Variants in PCDH15 observed in about 807,000 individuals in gnomAD.
PCDH15 encodes protocadherin related 15, also known as protocadherin-15.
Under a neutral mutation model 178.5 loss-of-function variants are expected in PCDH15, and 129 were observed. That is an observed-to-expected ratio of 0.72 (90% confidence interval 0.63 to 0.84). The LOEUF is 0.84. Among genes scored for constraint, PCDH15 ranks in the 40% least tolerant of loss-of-function variants. PCDH15 has a pLI of 0.00. For missense variants in PCDH15, 2,230 were observed against 2,099.9 expected (o/e 1.06, Z -1.21); for synonymous variants, 800 against 732.0 (o/e 1.09, Z -1.50).
chr10:55,546,548 A>G (rs1841886607), intron 2 of PCDH15, among the ~76,000 whole-genome samples: 1 of 152,164 alleles, frequency 6.6e-6, no homozygotes, highest in Non-Finnish European at 1.5e-5. Flanking sequence ...TTTTGACTAT[A>G]TATGTTATAA....
At chr10:54,007,779 G>T (rs973705576) in intron 20 of PCDH15, among the ~76,000 whole-genome samples, 1 of 152,082 alleles carries the variant, frequency 6.6e-6, no homozygotes, top group Non-Finnish European at 1.5e-5. Flanking sequence ...GTTTACAAAA[G>T]AAATTATGTT....
At chr10:53,848,638 T>C (rs1250190793) in intron 28 of PCDH15, among the ~76,000 whole-genome samples, 1 of 151,932 alleles carries the variant, frequency 6.6e-6, no homozygotes, top group Non-Finnish European at 1.5e-5. Context: ...ACCCCTTACC[T>C]TCAAATCTCA....
At chr10:54,132,532 C>G (rs1202766060) in intron 15 of PCDH15, among the ~76,000 whole-genome samples, 3 of 152,142 alleles carry the variant, frequency 2.0e-5, no homozygotes, top group Non-Finnish European at 2.9e-5. Flanking sequence ...AAAAGGCATA[C>G]AAGACAGAAA....
chr10:53,828,196 A>AAAG (rs2076809798), intron 31 of PCDH15, among the ~76,000 whole-genome samples: 1 of 136,980 alleles, frequency 7.3e-6, no homozygotes, highest in African/African-American at 2.9e-5. Context: ...ACAAGAGCAA[A>AAAG]AAGTCCGTCT....
intron 28 of PCDH15, among the ~76,000 whole-genome samples, chr10:53,855,655 G>C (rs1010566769): frequency 6.6e-6 from 1 of 151,590 alleles, no homozygotes; most frequent in South Asian, 2.1e-4. Context: ...ACTCTTTAAA[G>C]CTTCTTCTGG....
intron 2 of PCDH15, among the ~76,000 whole-genome samples, chr10:55,610,434 G>T (rs1174148368): frequency 1.3e-5 from 2 of 151,972 alleles, no homozygotes; most frequent in African/African-American, 4.8e-5. Flanking sequence ...GCTTTGCTTT[G>T]ACTCATTGGT....
intron 18 of PCDH15, among the ~76,000 whole-genome samples, chr10:54,060,762 A>T (rs2093996960): frequency 6.6e-6 from 1 of 152,140 alleles, no homozygotes; most frequent in South Asian, 2.1e-4. Flanking sequence ...GTCTGGATTC[A>T]TGGAGTCACG....
rs559681811 is a variant in PCDH15, at chr10:55,607,947, G to A, written c.-156+19678C>T. Among the ~76,000 whole-genome samples the A allele has an allele frequency of 5.3e-5, 8 of 151,788 alleles. No individual in the cohort carries two copies. In the East Asian group the frequency reaches 1.4e-3, roughly 26 times the overall value. The stretch of plus-strand genomic sequence containing the variant: ...ACAGAGACAGAGAGAGAGAGAAAGA[G>A]AGAGAGAATATTTAATGTTATTTTA... On this transcript the variant is annotated intron_variant, in intron 2 of 5. Transcript: ENST00000613346.
intron 2 of PCDH15, among the ~76,000 whole-genome samples, chr10:54,577,320 C>G (rs1357055277): frequency 6.6e-6 from 1 of 151,364 alleles, no homozygotes; most frequent in East Asian, 2.0e-4. Flanking sequence ...TCTCGATCTC[C>G]TGACCTTACA....
At chr10:54,623,481 G>T (rs1010856105) in intron 2 of PCDH15, among the ~76,000 whole-genome samples, 1 of 151,930 alleles carries the variant, frequency 6.6e-6, no homozygotes, top group Non-Finnish European at 1.5e-5. Context: ...TATAAATAAT[G>T]TGCATAGAAC....
At chr10:54,348,446 G>C (rs997952963) in intron 5 of PCDH15, among the ~76,000 whole-genome samples, 9 of 152,108 alleles carry the variant, frequency 5.9e-5, no homozygotes, top group African/African-American at 2.2e-4. Flanking sequence ...CAGCTAAATT[G>C]CTTCCAAGCT....
chr10:54,693,280 T>G, intron 1 of PCDH15, among the ~76,000 whole-genome samples: 1 of 152,028 alleles, frequency 6.6e-6, no homozygotes, highest in African/African-American at 2.4e-5. Flanking sequence ...TGAAAGTAAG[T>G]TACACTGTAA....
At chr10:55,527,876 G>GAGGT (rs1289784470) in intron 2 of PCDH15, among the ~76,000 whole-genome samples, 1 of 151,362 alleles carries the variant, frequency 6.6e-6, no homozygotes, top group Non-Finnish European at 1.5e-5. Flanking sequence ...TGACAACAAT[G>GAGGT]AGGTAGCTAA....
chr10:53,901,806 C>G (rs2133643212), intron 26 of PCDH15, among the ~76,000 whole-genome samples: 1 of 152,284 alleles, frequency 6.6e-6, no homozygotes, highest in South Asian at 2.1e-4. Flanking sequence ...TTATTCAGGT[C>G]ACTGTTTCAG....
upstream of PCDH15, among the ~76,000 whole-genome samples, chr10:55,322,842 A>G (rs1843935911): frequency 6.6e-6 from 1 of 152,158 alleles, no homozygotes; most frequent in African/African-American, 2.4e-5. Context: ...AGAAATTTGC[A>G]TAAGTAACAA....
At chr10:54,603,565 C>A (rs2092630666) in intron 2 of PCDH15, among the ~76,000 whole-genome samples, 1 of 151,184 alleles carries the variant, frequency 6.6e-6, no homozygotes, top group South Asian at 2.1e-4. Flanking sequence ...GGCTGTGAGA[C>A]AAGATGGTGG....
chr10:55,442,777 C>T (rs1172846592), intron 2 of PCDH15, among the ~76,000 whole-genome samples: 3 of 151,666 alleles, frequency 2.0e-5, no homozygotes, highest in Non-Finnish European at 4.4e-5. Context: ...TCTACTTTTA[C>T]CTATGTTACC....
chr10:54,232,058 AGAGGAACCAG>A (rs1367793111), intron 9 of PCDH15, among the ~76,000 whole-genome samples: 1 of 150,806 alleles, frequency 6.6e-6, no homozygotes, highest in Non-Finnish European at 1.5e-5. Flanking sequence ...ATGAGATTTC[AGAGGAACCAG>A]GGGTTTCATG....
chr10:54,663,618 G>A (rs2094524418), intron 2 of PCDH15, among the ~76,000 whole-genome samples: 1 of 150,784 alleles, frequency 6.6e-6, no homozygotes, highest in African/African-American at 2.4e-5. Context: ...CTTACTGTTA[G>A]GGGAAAGCTT....
Sources: allele counts gnomAD v4.1 joint callset (sites outside exome capture counted in the v4.1 genomes callset), GRCh38; gene constraint gnomAD v4.1.1; transcripts MANE v1.5; gene names NCBI Gene and HGNC (gene_info 2026-07-23, HGNC 2026-07-21).